The following NR2E3 variants were observed in gnomAD, a reference collection of about 807,000 sequenced individuals.
The protein encoded by NR2E3 is photoreceptor-specific nuclear receptor.
A neutral mutation model predicts 37.6 loss-of-function variants in NR2E3; 38 were observed. The observed-to-expected ratio is 1.01, with a 90% CI of 0.78 to 1.33. NR2E3 has a LOEUF of 1.33. Ranked by LOEUF, NR2E3 falls within the 40% of genes most tolerant of loss-of-function variation. The probability of loss-of-function intolerance (pLI) is 0.00; values close to 1 mark genes in which losing one functional copy is unlikely to be tolerated. For missense variants in NR2E3, 562 were observed against 558.7 expected (o/e 1.01, Z -0.06); for synonymous variants, 235 against 225.1 (o/e 1.04, Z -0.39).
intron 7 of NR2E3, 54 bp from the exon 8 acceptor site, chr15:71,817,498 G>C: frequency 6.5e-7 from 1 of 1,543,194 alleles, no homozygotes. Flanking sequence ...CCGCCCCAGG[G>C]ACTAGTGCTC....
At chr15:71,814,537 T>C in intron 7 of NR2E3, 1 of 988,382 alleles carries the variant, frequency 1.0e-6, no homozygotes, top group Non-Finnish European at 1.2e-6. Flanking sequence ...GCATGATATG[T>C]TGTTAGAACA....
rs1301549811 is a variant in NR2E3, at chr15:71,812,438, C to A, written c.674C>A (p.Ala225Asp). ...CGLDSIHETS[A>D]RLLFMAVKWA... is the part of the protein sequence containing the mutation. ...CTGGACAGCATCCATGAGACCTCGG[C>A]TCGCCTACTCTTCATGGCCGTCAAG... is the stretch of plus-strand genomic sequence containing the variant. The change falls in exon 5 of 8, where the codon GCT (alanine) becomes GAT (aspartate). Residue 225 changes from alanine to aspartate, a missense_variant. By Grantham distance (126) the Ala-to-Asp change is moderately radical (BLOSUM62 -2). Coordinates refer to ENST00000617575, the MANE Select transcript of NR2E3 (RefSeq NM_014249.4). The A allele has an allele frequency of 1.2e-6, 2 of 1,614,010 alleles. No individual in the cohort carries two copies. Among genetic ancestry groups the A allele is most frequent in the Admixed American group, 3.3e-5 (2 of 60,024 alleles).
chr15:71,816,972 C>A (rs1424173604), intron 7 of NR2E3, among the ~76,000 whole-genome samples: 2 of 152,080 alleles, frequency 1.3e-5, no homozygotes, highest in African/African-American at 4.8e-5. Context: ...ACTTTATAAT[C>A]TTTACATATA....
In NR2E3 at chr15:71,812,136, T is replaced by C. The variant is rs1376967678; in HGVS notation, c.531T>C (p.Leu177=). The C allele has an allele frequency of 1.3e-6, 2 of 1,564,342 alleles. No individual in the cohort carries two copies. Among genetic ancestry groups the C allele is most frequent in the Non-Finnish European group, 1.7e-6 (2 of 1,154,798 alleles). The part of the protein sequence containing the change: ...RALGHHFMAS[L]ITAETCAKLE... ...TGGGCCACCACTTCATGGCCAGCCT[T>C]ATAACAGCTGAAACCTGTGCTAAGC... The change falls in exon 4 of 8, where the codon CTT becomes CTC. Residue 177 remains leucine, a synonymous_variant. Transcript: ENST00000617575.
intron 7 of NR2E3, among the ~76,000 whole-genome samples, chr15:71,815,518 A>G (rs1386229939): frequency 2.0e-5 from 3 of 152,228 alleles, no homozygotes; most frequent in South Asian, 2.1e-4. Context: ...GTTGGAACCA[A>G]CTCCCAGAGA....
At position 71,817,780 on chromosome 15, in the gene NR2E3, G is replaced by A. The variant is rs189389563; in HGVS notation, c.*96G>A. 2.9e-4 allele frequency: 346 copies of A among 1,175,152 alleles called. 4 individuals are homozygous for A. The East Asian group carries it at 8.9e-3, about 30-fold the overall frequency. The allele number at this position is 1,175,152 out of a possible 1,614,324, so 72.8% of individuals were successfully genotyped here. ...TTTGCCCCAGCAATTCCTCGTAGGT[G>A]TGTGTACCCAGCAGAAATGCCCACC... On this transcript the variant is annotated 3_prime_UTR_variant, in exon 8 of 8. Transcript: ENST00000617575.
Position 71,810,665 on chromosome 15 carries a change from T to C in NR2E3, c.-79T>C, listed in dbSNP as rs2054170577. On this transcript the variant is annotated 5_prime_UTR_variant, in exon 1 of 8. Transcript: ENST00000617575. ...AGACAGGGGCACAGAGAGACAGAGG[T>C]TCATGGACTGAGGCAAAGGCTGGGC... 1 of 1,542,138 alleles carries C rather than the reference T, an allele frequency of 6.5e-7. No individual in the cohort carries two copies. Among genetic ancestry groups the C allele is most frequent in the South Asian group, 1.2e-5 (1 of 82,596 alleles).
intron 7 of NR2E3, among the ~76,000 whole-genome samples, chr15:71,816,958 C>T (rs1371213419): frequency 6.6e-6 from 1 of 152,090 alleles, no homozygotes; most frequent in African/African-American, 2.4e-5. Flanking sequence ...TTAATATAAA[C>T]TTCACTTTAT....
At position 71,813,466 on chromosome 15, in the gene NR2E3, TCCTCTGCTGGCACCGCC is replaced by T. The variant is rs1279558746; in HGVS notation, c.827_843del (p.Pro276ArgfsTer59). On this transcript the variant is annotated frameshift_variant, in exon 6 of 8. Coordinates refer to ENST00000617575, the MANE Select transcript of NR2E3 (RefSeq NM_014249.4). LOFTEE classifies it high-confidence loss of function. The surrounding 1 kb of genome is among the most constrained non-coding windows in gnomAD (Gnocchi z 4.7). The stretch of plus-strand genomic sequence containing the variant: ...AGTGGTCTCTGCCTCTGGACAGCTG[TCCTCTGCTGGCACCGCC>T]CGAGGCCTCTGCTGCCGGTGGTGCC... 2 of 1,610,090 alleles carry T rather than the reference TCCTCTGCTGGCACCGCC, an allele frequency of 1.2e-6. No homozygotes were observed. The highest frequency in any genetic ancestry group is 1.7e-6 in the Non-Finnish European group (2 of 1,178,340).
Position 71,813,711 on chromosome 15 carries a change from C to T in NR2E3, c.994+76C>T, listed in dbSNP as rs760705295. The T allele has an allele frequency of 1.1e-4, 177 of 1,595,156 alleles. No individual in the cohort carries two copies. The highest frequency in any genetic ancestry group is 1.4e-4 in the Non-Finnish European group (167 of 1,172,686). On this transcript the variant is annotated intron_variant, in intron 6 of 7. Transcript: ENST00000617575. This position sits in a 1 kb window ranked among gnomAD's most constrained non-coding sequence, Gnocchi z 4.7. The stretch of plus-strand genomic sequence containing the variant: ...CTGCCTCTCACTCTCCCTCCACTAC[C>T]CCCATGTGTGCAGATGTGTGTAGGC...
rs1001122113 is a variant in NR2E3, at chr15:71,812,162, T to C, written c.557T>C (p.Leu186Pro). ...ATAACAGCTGAAACCTGTGCTAAGC[T>C]GGAGCCAGAGGATGGTGAGTGGGAG... ...SLITAETCAK[L>P]EPEDADENID... Residue 186 changes from leucine (L) to proline (P), a missense_variant, in exon 4 of 8, where the codon CTG becomes CCG. Leu to Pro is a moderately conservative substitution (Grantham distance 98). Transcript: ENST00000617575. The C allele has an allele frequency of 1.9e-6, 3 of 1,577,254 alleles. No homozygotes were observed. The highest frequency in any genetic ancestry group is 2.7e-5 in the African/African-American group (2 of 73,930).
In NR2E3 at chr15:71,817,666, T is replaced by G; in HGVS notation, c.1215T>G (p.Cys405Trp). 6.2e-7 allele frequency: 1 copy of G among 1,603,262 alleles called. No homozygotes were observed. Among genetic ancestry groups the G allele is most frequent in the Admixed American group, 1.7e-5 (1 of 59,884 alleles). Residue 405 changes from cysteine (C) to tryptophan (W), a missense_variant, in exon 8 of 8, where the codon TGT becomes TGG. Cys to Trp is a radical substitution (Grantham distance 215). Transcript: ENST00000617575. ...ATACTCCAATGGAGAAGCTCCTTTG[T>G]GATATGTTCAAAAACTAGTGGGGGT... ...IGNTPMEKLL[C>W]DMFKN is the part of the protein sequence containing the mutation.
Position 71,813,689 on chromosome 15 carries a change from C to CCT in NR2E3, c.994+58_994+59dup, listed in dbSNP as rs2054205485. The CCT allele has an allele frequency of 6.2e-7, 1 of 1,606,308 alleles. No individual in the cohort carries two copies. Among genetic ancestry groups the CCT allele is most frequent in the Non-Finnish European group, 8.5e-7 (1 of 1,179,132 alleles). On this transcript the variant is annotated intron_variant, in intron 6 of 7. Coordinates refer to ENST00000617575, the MANE Select transcript of NR2E3 (RefSeq NM_014249.4). The surrounding 1 kb of genome is among the most constrained non-coding windows in gnomAD (Gnocchi z 4.7). Reference sequence around the variant, plus strand: ...TGGGAATTCTGGTGACTTCCATCTGCCTCTCACTCTCCCTCCACTACCCCC... The same window carrying CCT: ...TGGGAATTCTGGTGACTTCCATCTGCCTCTCTCACTCTCCCTCCACTACCCCC...
intron 7 of NR2E3, 162 bp downstream of exon 7, chr15:71,814,279 G>A (rs768854838): frequency 2.5e-5 from 36 of 1,416,752 alleles, no homozygotes; most frequent in African/African-American, 2.0e-4. Context: ...GCCAGGCCCC[G>A]GGAGTGGGGA....
rs769303198 is a variant in NR2E3, at chr15:71,811,462, G to GCCCTGCC, written c.119-11_119-5dup. 7.6e-5 allele frequency: 117 copies of GCCCTGCC among 1,544,978 alleles called. No homozygotes were observed. The highest frequency in any genetic ancestry group is 2.1e-4 in the Middle Eastern group (1 of 4,828). On this transcript the variant is annotated intron_variant, in intron 1 of 7. Transcript: ENST00000617575. The surrounding 1 kb of genome is among the most constrained non-coding windows in gnomAD (Gnocchi z 5.6). ...CCCGGCCCAGCCCTGCCCTGGCCCA[G>GCCCTGCC]CCCTGCCCCCTGCCCCTCAGGCGTG...
Position 71,812,104 on chromosome 15 carries a change from A to G in NR2E3, c.499A>G (p.Arg167Gly). 1 of 1,556,458 alleles carries G rather than the reference A, an allele frequency of 6.4e-7. No homozygotes were observed. The highest frequency in any genetic ancestry group is 8.7e-7 in the Non-Finnish European group (1 of 1,150,346). ...PRGPTPMSAARALGHHFMASL... is the reference protein window; with the variant it reads ...PRGPTPMSAAGALGHHFMASL... Reference sequence around the variant, plus strand: ...GGGCCCCACACCCATGTCTGCAGCCAGAGCCCTGGGCCACCACTTCATGGC... The same window carrying G: ...GGGCCCCACACCCATGTCTGCAGCCGGAGCCCTGGGCCACCACTTCATGGC... The change falls in exon 4 of 8, where the codon AGA becomes GGA. Residue 167 changes from arginine (R) to glycine (G), a missense_variant. Arg to Gly is a moderately radical substitution (Grantham distance 125). Transcript: ENST00000617575.
At chr15:71,815,159 T>C (rs1444311372) in intron 7 of NR2E3, among the ~76,000 whole-genome samples, 1 of 152,142 alleles carries the variant, frequency 6.6e-6, no homozygotes, top group Non-Finnish European at 1.5e-5. Context: ...CACAGGCAGA[T>C]GTCATGGAGC....
At chr15:71,816,984 TAAAC>T (rs962287555) in intron 7 of NR2E3, among the ~76,000 whole-genome samples, 1 of 152,118 alleles carries the variant, frequency 6.6e-6, no homozygotes, top group Non-Finnish European at 1.5e-5. Flanking sequence ...TTACATATAA[TAAAC>T]AATATTTACT....
At position 71,813,453 on chromosome 15, in the gene NR2E3, C is replaced by T. The variant is rs2054202399; in HGVS notation, c.812C>T (p.Pro271Leu). Residue 271 changes from proline (P) to leucine (L), a missense_variant, in exon 6 of 8, where the codon CCT becomes CTT. Transcript: ENST00000617575. This position sits in a 1 kb window ranked among gnomAD's most constrained non-coding sequence, Gnocchi z 4.7. ...FLLGAIQWSL[P>L]LDSCPLLAPP... ...CTCGGGGCCATCCAGTGGTCTCTGCCTCTGGACAGCTGTCCTCTGCTGGCA... is the reference window on the plus strand; with the variant it reads ...CTCGGGGCCATCCAGTGGTCTCTGCTTCTGGACAGCTGTCCTCTGCTGGCA... 1.2e-6 allele frequency: 2 copies of T among 1,609,912 alleles called. No homozygotes were observed. Among genetic ancestry groups the T allele is most frequent in the African/African-American group, 2.7e-5 (2 of 74,884 alleles).
Sources: allele counts gnomAD v4.1 joint callset (sites outside exome capture counted in the v4.1 genomes callset), GRCh38; gene constraint gnomAD v4.1.1; non-coding constraint Gnocchi (gnomAD v3.1); transcripts MANE v1.5; gene names NCBI Gene and HGNC (gene_info 2026-07-23, HGNC 2026-07-21).